Variants in RBMS3 observed in about 807,000 individuals in gnomAD.
RBMS3 encodes the protein RNA-binding motif, single-stranded-interacting protein 3.
A neutral mutation model predicts 66.8 loss-of-function variants in RBMS3; 27 were observed. The ratio of observed to expected loss-of-function variants is 0.40; its 90% CI spans 0.30 to 0.56. RBMS3 has a LOEUF of 0.56. RBMS3 is among the 20% of genes least tolerant of loss of function. The pLI, the probability that RBMS3 is intolerant of heterozygous loss-of-function variation, is 0.40. For missense variants in RBMS3, 513 were observed against 549.5 expected, an observed-to-expected ratio of 0.93 and a Z score of 0.66; for synonymous variants, 188 against 183.0, an observed-to-expected ratio of 1.03 and a Z score of -0.22.
In RBMS3 at chr3:29,682,735, A is replaced by G. The variant is rs560686972; in HGVS notation, c.400-56985A>G. On this transcript the variant is annotated intron_variant, in intron 4 of 14. Transcript: ENST00000383767. ...CTATTCTGGTTCATTTTTGTGTCCT[A>G]TTAAAACAGCTAATGTTTCTCTGCA... 1.6e-4 allele frequency among the ~76,000 whole-genome samples: 25 copies of G among 152,338 alleles called. 1 individual carries two copies. The South Asian group carries it at 5.0e-3, about 30-fold the overall frequency.
intron 6 of RBMS3, among the ~76,000 whole-genome samples, chr3:29,808,676 G>A (rs575062243): frequency 1.5e-4 from 23 of 151,960 alleles, no homozygotes; most frequent in African/African-American, 5.1e-4. Context: ...GTAATTTAAC[G>A]CCTGGTTAAA....
At chr3:29,696,534 A>G (rs9883185) in intron 4 of RBMS3, among the ~76,000 whole-genome samples, 18,466 of 152,162 alleles carry the variant, frequency 0.12, 2,456 homozygotes, top group African/African-American at 0.33. Flanking sequence ...GAAAGGATAG[A>G]TCTTTTGTTA....
At chr3:29,730,550 A>T (rs1229014803) in intron 4 of RBMS3, among the ~76,000 whole-genome samples, 1 of 152,200 alleles carries the variant, frequency 6.6e-6, no homozygotes, top group African/African-American at 2.4e-5. Context: ...AGTGTATCAT[A>T]GTAAACCTAT....
chr3:29,435,001 A>C (rs2041345729), intron 2 of RBMS3, 86 bp downstream of exon 2: 1 of 1,326,634 alleles, frequency 7.5e-7, no homozygotes. Context: ...CAATGTACTC[A>C]TCCACTGGTG....
intron 4 of RBMS3, among the ~76,000 whole-genome samples, chr3:29,649,547 G>C (rs1479479711): frequency 6.6e-6 from 1 of 152,156 alleles, no homozygotes; most frequent in African/African-American, 2.4e-5. Context: ...GGGAAAAAGT[G>C]CTGTCATGGG....
chr3:29,904,934 T>A (rs1384489560), intron 10 of RBMS3, among the ~76,000 whole-genome samples: 1 of 152,050 alleles, frequency 6.6e-6, no homozygotes, highest in Admixed American at 6.6e-5. Context: ...AGTTAGTAAG[T>A]TTATAGTGTC....
At chr3:29,904,819 A>G (rs1028319924) in intron 10 of RBMS3, among the ~76,000 whole-genome samples, 2 of 151,780 alleles carry the variant, frequency 1.3e-5, no homozygotes, top group African/African-American at 4.8e-5. Context: ...TCACGTGTTT[A>G]TTGACTAATT....
intron 1 of RBMS3, among the ~76,000 whole-genome samples, chr3:29,291,358 T>C (rs1292371470): frequency 6.6e-6 from 1 of 151,900 alleles, no homozygotes; most frequent in Non-Finnish European, 1.5e-5. Flanking sequence ...GGACATGTGG[T>C]AGAACAGCAC....
chr3:29,496,563 A>G (rs899565158), intron 3 of RBMS3, among the ~76,000 whole-genome samples: 2 of 152,228 alleles, frequency 1.3e-5, no homozygotes, highest in African/African-American at 4.8e-5. Context: ...CTTACAGCCA[A>G]GTTCGGAAAG....
chr3:29,800,241 A>G (rs2057347088), intron 6 of RBMS3, among the ~76,000 whole-genome samples: 1 of 151,404 alleles, frequency 6.6e-6, no homozygotes, highest in Non-Finnish European at 1.5e-5. Context: ...TTTTACCATT[A>G]TAGCATTTCC....
At chr3:29,394,680 C>T (rs2039465741) in intron 1 of RBMS3, among the ~76,000 whole-genome samples, 1 of 152,180 alleles carries the variant, frequency 6.6e-6, no homozygotes, top group Non-Finnish European at 1.5e-5. Flanking sequence ...CCGGTACCTC[C>T]TTTCTTGGTC....
At chr3:29,471,718 G>GTTTTTTTTTTTTTTTTTTTT (rs397793236) in intron 2 of RBMS3, among the ~76,000 whole-genome samples, 2 of 71,170 alleles carry the variant, frequency 2.8e-5, no homozygotes, top group African/African-American at 5.8e-5. Context: ...TGAGGACTTA[G>GTTTTTTTTTTTTTTTTTTTT]TTTTTTTTTT....
At chr3:29,781,019 G>C (rs527632693) in intron 6 of RBMS3, among the ~76,000 whole-genome samples, 1 of 150,746 alleles carries the variant, frequency 6.6e-6, no homozygotes, top group Admixed American at 6.6e-5. Context: ...CAATGTGCAG[G>C]TTTGTTACAT....
chr3:29,936,299 C>T (rs1276864501), intron 11 of RBMS3, 103 bp downstream of exon 11: 20 of 1,053,826 alleles, frequency 1.9e-5, no homozygotes, highest in Non-Finnish European at 2.1e-5. Context: ...GTACCATATT[C>T]GTTGACTAAC....
chr3:29,410,934 G>C (rs1388540759), intron 1 of RBMS3, among the ~76,000 whole-genome samples: 4 of 146,822 alleles, frequency 2.7e-5, no homozygotes, highest in African/African-American at 1.0e-4. Context: ...ACATTTGCTG[G>C]AAATGACTTC....
intron 12 of RBMS3, among the ~76,000 whole-genome samples, chr3:29,947,728 T>C (rs1341893243): frequency 6.6e-6 from 1 of 151,466 alleles, no homozygotes; most frequent in Non-Finnish European, 1.5e-5. Flanking sequence ...AAAAAATATG[T>C]AAAGGCATAG....
intron 1 of RBMS3, among the ~76,000 whole-genome samples, chr3:29,395,868 A>G (rs2039523322): frequency 6.6e-6 from 1 of 152,218 alleles, no homozygotes; most frequent in African/African-American, 2.4e-5. Flanking sequence ...AATGAAACAT[A>G]TAATAGGGTA....
intron 14 of RBMS3, among the ~76,000 whole-genome samples, chr3:29,998,013 G>A (rs1699365753): frequency 6.6e-6 from 1 of 152,160 alleles, no homozygotes; most frequent in Non-Finnish European, 1.5e-5. Flanking sequence ...TGTATATCTA[G>A]AAAACCCCAT....
At chr3:29,923,165 A>G (rs1236439583) in intron 10 of RBMS3, among the ~76,000 whole-genome samples, 1 of 152,174 alleles carries the variant, frequency 6.6e-6, no homozygotes, top group Non-Finnish European at 1.5e-5. Context: ...CGCCCTGAAC[A>G]TGTTTTCAAG....
Sources: gnomAD v4.1 joint callset for allele counts (sites outside exome capture counted in the v4.1 genomes callset) on GRCh38, gnomAD v4.1.1 for gene constraint, MANE v1.5 for transcripts, NCBI Gene and HGNC (gene_info 2026-07-23, HGNC 2026-07-21) for gene names.